DPP10: variants seen among roughly 807,000 people sequenced by gnomAD.
The protein encoded by DPP10 is inactive dipeptidyl peptidase 10.
Under a neutral mutation model 120.9 loss-of-function variants are expected in DPP10, and 33 were observed. The ratio of observed to expected loss-of-function variants is 0.27; its 90% confidence interval spans 0.21 to 0.37. The LOEUF is 0.37. Among genes scored for constraint, DPP10 ranks in the 10% least tolerant of loss-of-function variants. The pLI, the probability that DPP10 is intolerant of heterozygous loss-of-function variation, is 1.00. For synonymous variants in DPP10, 337 were observed against 326.1 expected (o/e 1.03, Z -0.36); for missense variants, 816 against 942.8 (o/e 0.87, Z 1.76).
chr2:115,519,425 A>C (rs2077677151), intron 4 of DPP10, among the ~76,000 whole-genome samples: 1 of 152,176 alleles, frequency 6.6e-6, no homozygotes, highest in South Asian at 2.1e-4. Context: ...GAAAATATAT[A>C]TATAGAGAGA....
chr2:115,698,826 A>G (rs952137637), intron 7 of DPP10, among the ~76,000 whole-genome samples: 8 of 152,168 alleles, frequency 5.3e-5, no homozygotes, highest in Non-Finnish European at 1.0e-4. Flanking sequence ...AGACACTCAC[A>G]TTAGAAAACA....
At chr2:115,169,273 C>T (rs2105042252) in intron 1 of DPP10, among the ~76,000 whole-genome samples, 1 of 152,244 alleles carries the variant, frequency 6.6e-6, no homozygotes, top group African/African-American at 2.4e-5. Flanking sequence ...TTTATTGCAT[C>T]TGGCTCAAGC....
At chr2:114,624,573 C>A (rs553417313) in intron 1 of DPP10, among the ~76,000 whole-genome samples, 2 of 151,852 alleles carry the variant, frequency 1.3e-5, no homozygotes. Flanking sequence ...AATTTGGAGA[C>A]CTTTCACTTA....
At chr2:115,275,609 A>T (rs1424160184) in intron 1 of DPP10, among the ~76,000 whole-genome samples, 13 of 152,028 alleles carry the variant, frequency 8.6e-5, no homozygotes, top group African/African-American at 3.1e-4. Flanking sequence ...TGGATATTAT[A>T]TAAAAATTAT....
At chr2:115,677,443 TA>T (rs1170003357) in intron 5 of DPP10, among the ~76,000 whole-genome samples, 1 of 151,148 alleles carries the variant, frequency 6.6e-6, no homozygotes, top group Non-Finnish European at 1.5e-5. Flanking sequence ...GACTAGCATG[TA>T]AATGATTTAA....
chr2:115,703,285 A>G (rs1475272276), intron 7 of DPP10, among the ~76,000 whole-genome samples: 1 of 151,956 alleles, frequency 6.6e-6, no homozygotes, highest in Non-Finnish European at 1.5e-5. Context: ...TTACATTACA[A>G]ATGAAAGATG....
intron 1 of DPP10, among the ~76,000 whole-genome samples, chr2:114,630,778 T>C (rs1030435220): frequency 5.9e-5 from 9 of 151,474 alleles, no homozygotes; most frequent in African/African-American, 1.9e-4. Context: ...AAAAGAGTTT[T>C]AGAAAAGATT....
intron 1 of DPP10, among the ~76,000 whole-genome samples, chr2:114,443,937 C>A (rs1174803236): frequency 6.6e-6 from 1 of 152,082 alleles, no homozygotes; most frequent in Admixed American, 6.6e-5. Context: ...AATTTACCTA[C>A]CGTTTGCCAG....
Position 115,338,135 on chromosome 2 carries a change from A to G in DPP10, c.176-5682A>G, listed in dbSNP as rs2063254744. On this transcript the variant is annotated intron_variant, in intron 2 of 25. Transcript: ENST00000410059. The stretch of plus-strand genomic sequence containing the variant: ...AATGTATTAATGTGCCAAGTGATCA[A>G]TATAATACAGAATGGAAAACAAAGG... Among the ~76,000 whole-genome samples, 7 of 152,132 alleles carry G rather than the reference A, an allele frequency of 4.6e-5. No individual in the cohort carries two copies. In the South Asian group the frequency reaches 1.2e-3, roughly 27 times the overall value.
At chr2:115,468,200 C>T (rs765101378) in intron 3 of DPP10, 1 of 495,024 alleles carries the variant, frequency 2.0e-6, no homozygotes, top group South Asian at 1.5e-5. Context: ...CATCTATATC[C>T]TAAATCTGAA....
intron 15 of DPP10, 62 bp from the exon 16 acceptor site, chr2:115,780,812 C>A: frequency 6.8e-7 from 1 of 1,478,686 alleles, no homozygotes; most frequent in Non-Finnish European, 9.2e-7. Context: ...AATATGAACA[C>A]CACACATTCA....
chr2:115,815,633 A>T (rs745504716), intron 20 of DPP10, 42 bp from the exon 21 acceptor site: 1 of 1,526,826 alleles, frequency 6.5e-7, no homozygotes, highest in Non-Finnish European at 8.9e-7. Flanking sequence ...ATTTGCATTT[A>T]ACTCACAAAG....
chr2:115,440,237 C>A (rs2071905060), intron 3 of DPP10, among the ~76,000 whole-genome samples: 1 of 151,774 alleles, frequency 6.6e-6, no homozygotes, highest in Non-Finnish European at 1.5e-5. Flanking sequence ...AGAAGTTTTT[C>A]TTTGCTAAGG....
intron 1 of DPP10, among the ~76,000 whole-genome samples, chr2:114,771,590 T>C (rs1681256007): frequency 6.6e-6 from 1 of 152,218 alleles, no homozygotes; most frequent in Non-Finnish European, 1.5e-5. Flanking sequence ...AAGATCTCTT[T>C]CTATCTTTAG....
At chr2:115,692,108 G>A (rs1388493083) in intron 7 of DPP10, among the ~76,000 whole-genome samples, 2 of 151,862 alleles carry the variant, frequency 1.3e-5, no homozygotes, top group African/African-American at 4.8e-5. Flanking sequence ...TTCTGCACTA[G>A]TTAACCTATG....
chr2:114,586,220 C>T lies in DPP10; in HGVS notation c.60+143382C>T, dbSNP rs550888683. On this transcript the variant is annotated intron_variant, in intron 1 of 25. Transcript: ENST00000410059. ...GAGCTGGGATCACACCACTGCATTC[C>T]AGCCTGGGTAACAGAGAAAGACCCT... 8.5e-5 allele frequency among the ~76,000 whole-genome samples: 13 copies of T among 152,280 alleles called. No individual in the cohort carries two copies. The South Asian group carries it at 2.7e-3, about 32-fold the overall frequency.
intron 3 of DPP10, among the ~76,000 whole-genome samples, chr2:115,495,482 C>T (rs908019507): frequency 5.3e-5 from 8 of 150,488 alleles, no homozygotes; most frequent in African/African-American, 2.0e-4. Context: ...TATTTTTGGT[C>T]CTGATAGATA....
chr2:115,390,813 A>G (rs751764083), intron 3 of DPP10, among the ~76,000 whole-genome samples: 9 of 152,160 alleles, frequency 5.9e-5, no homozygotes, highest in African/African-American at 9.6e-5. Context: ...TATGTGCCTC[A>G]TTTTAGTGAA....
intron 3 of DPP10, among the ~76,000 whole-genome samples, chr2:115,436,861 C>T (rs923445981): frequency 2.0e-5 from 3 of 151,692 alleles, no homozygotes; most frequent in African/African-American, 7.3e-5. Context: ...TAAACTGAAC[C>T]ATCTTTAATT....
Sources: gnomAD v4.1 joint callset for allele counts (sites outside exome capture counted in the v4.1 genomes callset) on GRCh38, gnomAD v4.1.1 for gene constraint, MANE v1.5 for transcripts, NCBI Gene and HGNC (gene_info 2026-07-23, HGNC 2026-07-21) for gene names.